The following NEBL variants were observed in gnomAD, a reference collection of about 807,000 sequenced individuals.
NEBL encodes the protein LIM and SH3 protein 2.
Under a neutral mutation model 140.2 loss-of-function variants are expected in NEBL, and 122 were observed. The ratio of observed to expected loss-of-function variants is 0.87; its 90% CI spans 0.75 to 1.01. The LOEUF (loss-of-function observed/expected upper bound fraction) is 1.01. Ranked by LOEUF, NEBL falls within the 50% of genes least tolerant of loss-of-function variation. The probability of loss-of-function intolerance (pLI) is 0.00; values close to 1 mark genes in which losing one functional copy is unlikely to be tolerated. For missense variants in NEBL, 1,365 were observed against 1,231.3 expected (o/e 1.11, Z -1.62); for synonymous variants, 436 against 398.9 (o/e 1.09, Z -1.11).
chr10:20,897,943 A>G (rs554489931), upstream of NEBL, among the ~76,000 whole-genome samples: 2 of 152,336 alleles, frequency 1.3e-5, no homozygotes, highest in African/African-American at 4.8e-5. Flanking sequence ...GAGAAGTTGC[A>G]GTTAACATAT....
chr10:21,117,176 C>T (rs1015809903), intron 2 of NEBL, among the ~76,000 whole-genome samples: 13 of 152,038 alleles, frequency 8.6e-5, no homozygotes, highest in Non-Finnish European at 4.4e-5. Context: ...TTTGGCTCCA[C>T]CATGAGACCC....
upstream of NEBL, chr10:20,897,559 G>C (rs1233448211): frequency 2.9e-6 from 3 of 1,050,024 alleles, no homozygotes; most frequent in South Asian, 3.3e-5. Flanking sequence ...AGCATAAAAA[G>C]GACTTAGAGA....
At chr10:21,113,238 C>G (rs1008446493) in intron 2 of NEBL, 10 of 291,270 alleles carry the variant, frequency 3.4e-5, no homozygotes, top group African/African-American at 1.8e-4. Context: ...ATCATTTCCA[C>G]CATGGAAAAG....
chr10:21,104,896 C>T (rs1405226040), intron 2 of NEBL, among the ~76,000 whole-genome samples: 1 of 152,158 alleles, frequency 6.6e-6, no homozygotes, highest in Non-Finnish European at 1.5e-5. Flanking sequence ...GAAGAAGTTT[C>T]CATCTATGCC....
At chr10:21,143,499 A>G (rs1839747191) in intron 2 of NEBL, among the ~76,000 whole-genome samples, 2 of 151,752 alleles carry the variant, frequency 1.3e-5, no homozygotes, top group Admixed American at 6.6e-5. Flanking sequence ...TTTATCAACT[A>G]CTTAGCACAA....
intron 3 of NEBL, among the ~76,000 whole-genome samples, chr10:21,230,690 C>T (rs546154599): frequency 3.3e-5 from 5 of 151,648 alleles, no homozygotes; most frequent in Non-Finnish European, 7.4e-5. Flanking sequence ...CTGCAACCTC[C>T]GCCCCCTGGG....
At chr10:21,157,123 A>G (rs1840364405) in intron 2 of NEBL, among the ~76,000 whole-genome samples, 1 of 152,236 alleles carries the variant, frequency 6.6e-6, no homozygotes, top group Non-Finnish European at 1.5e-5. Context: ...CCTTGAAAAT[A>G]TTAGTGAAAT....
intron 4 of NEBL, among the ~76,000 whole-genome samples, chr10:20,919,511 G>C (rs1833474310): frequency 6.6e-6 from 1 of 152,188 alleles, no homozygotes; most frequent in South Asian, 2.1e-4. Flanking sequence ...GTGTGCTCCT[G>C]AAACATTAAC....
At chr10:20,884,457 C>G (rs1846289205) in intron 4 of NEBL, among the ~76,000 whole-genome samples, 1 of 152,088 alleles carries the variant, frequency 6.6e-6, no homozygotes, top group South Asian at 2.1e-4. Flanking sequence ...TCATAGATCT[C>G]TAAATTAAAG....
Position 20,868,723 on chromosome 10 carries a change from C to T in NEBL, c.625G>A (p.Ala209Thr), listed in dbSNP as rs142138590. The change falls in exon 7 of 28, where the codon GCT becomes ACT. Residue 209 changes from alanine (A) to threonine (T), a missense_variant. Ala to Thr is a moderately conservative substitution (Grantham distance 58). Transcript: ENST00000377122. ...KGQGIMNKEP[A>T]VIGRPDFEHA... ...TCAAAATCTGGTCTTCCAATTACAG[C>T]GGGCTCTTTATTCATTATTCCTTGT... 1.3e-4 allele frequency: 210 copies of T among 1,612,494 alleles called. No homozygotes were observed. The highest frequency in any genetic ancestry group is 1.7e-4 in the Non-Finnish European group (197 of 1,178,896).
intron 26 of NEBL, among the ~76,000 whole-genome samples, chr10:20,792,926 G>T (rs2131646553): frequency 6.6e-6 from 1 of 152,228 alleles, no homozygotes; most frequent in Non-Finnish European, 1.5e-5. Context: ...GTCACTGAGA[G>T]TTTCATGTCA....
intron 3 of NEBL, among the ~76,000 whole-genome samples, chr10:21,244,549 G>T (rs1842491364): frequency 6.6e-6 from 1 of 151,682 alleles, no homozygotes; most frequent in African/African-American, 2.4e-5. Context: ...CTGCTTGGAA[G>T]GCTGAGACAG....
At chr10:21,220,703 G>A (rs1228477597) in intron 3 of NEBL, among the ~76,000 whole-genome samples, 4 of 152,202 alleles carry the variant, frequency 2.6e-5, no homozygotes, top group Admixed American at 2.6e-4. Flanking sequence ...TCAACAGAGT[G>A]AAGAGATAAC....
chr10:20,869,441 T>C (rs1564403782), intron 6 of NEBL, among the ~76,000 whole-genome samples: 1 of 152,170 alleles, frequency 6.6e-6, no homozygotes. Flanking sequence ...TGGGACCATA[T>C]GACTGATAAC....
chr10:21,288,300 T>C (rs892228906), intron 1 of NEBL, among the ~76,000 whole-genome samples: 1 of 151,558 alleles, frequency 6.6e-6, no homozygotes, highest in East Asian at 2.0e-4. Context: ...AAACCCTGTC[T>C]CTACTAAAAC....
intron 2 of NEBL, among the ~76,000 whole-genome samples, chr10:21,168,921 C>T (rs887167220): frequency 1.3e-5 from 2 of 149,728 alleles, no homozygotes; most frequent in Admixed American, 6.7e-5. Context: ...TGGTGGCGGG[C>T]GCCCCTAGTC....
At chr10:21,138,683 G>C (rs900505612) in intron 2 of NEBL, among the ~76,000 whole-genome samples, 1 of 152,082 alleles carries the variant, frequency 6.6e-6, no homozygotes, top group African/African-American at 2.4e-5. Flanking sequence ...AACCCTGCAA[G>C]GTACCCACAG....
rs867067964 is a variant in NEBL at position 21,112,913 on chromosome 10, C to T, written c.164+59470G>A. 97 of 377,248 alleles carry T rather than the reference C, an allele frequency of 2.6e-4. 15 individuals are homozygous for T. The Middle Eastern group carries it at 3.9e-3, about 15-fold the overall frequency. 23.4% of individuals were successfully genotyped at this position (377,248 alleles called of 1,614,324 possible). ...TGGAGGAAGATGCAGAGTCAGAAGA[C>T]GAAGAGGAGGAGGATGTGAAACTCT... is the stretch of plus-strand genomic sequence containing the variant. On this transcript the variant is annotated intron_variant, in intron 2 of 6. Transcript: ENST00000417816.
chr10:20,854,190 G>T (rs1383234926), intron 9 of NEBL, among the ~76,000 whole-genome samples: 1 of 152,186 alleles, frequency 6.6e-6, no homozygotes, highest in Admixed American at 6.5e-5. Flanking sequence ...GCTAAAGATA[G>T]CTGCTTATTA....
Sources: gnomAD v4.1 joint callset for allele counts (sites outside exome capture counted in the v4.1 genomes callset) on GRCh38, gnomAD v4.1.1 for gene constraint, MANE v1.5 for transcripts, NCBI Gene and HGNC (gene_info 2026-07-23, HGNC 2026-07-21) for gene names.